SIDT2: variants seen among roughly 807,000 people sequenced by gnomAD.
SIDT2 encodes SID1 transmembrane family member 2.
SIDT2 carries 68 observed loss-of-function variants against 114.4 expected under a neutral mutation model. That is an observed-to-expected ratio of 0.59 (90% confidence interval 0.49 to 0.73). The LOEUF (loss-of-function observed/expected upper bound fraction) is 0.73, where lower values mean the gene tolerates loss of function less well. Among genes scored for constraint, SIDT2 ranks in the 30% least tolerant of loss-of-function variants. The pLI is 0.00. For missense variants in SIDT2, 918 were observed against 1,097.1 expected (o/e 0.84, Z 2.31); for synonymous variants, 470 against 438.4 (o/e 1.07, Z -0.90).
chr11:117,179,213 T>TGTC lies in SIDT2; in HGVS notation c.-49_-47dup, dbSNP rs1174779762. 7 of 1,575,508 alleles carry TGTC rather than the reference T, an allele frequency of 4.4e-6. No homozygotes were observed. The African/African-American group carries it at 8.2e-5, about 18-fold the overall frequency. On this transcript the variant is annotated 5_prime_UTR_variant, in exon 1 of 26. Coordinates refer to ENST00000324225, the MANE Select transcript of SIDT2 (RefSeq NM_001040455.2). ...CCCGTCCCGGAGGTGTCCTGTCTCCTGTCGCCGCCGCCGCCGCCACCACCG... is the reference window on the plus strand; with the variant it reads ...CCCGTCCCGGAGGTGTCCTGTCTCCTGTCGTCGCCGCCGCCGCCGCCACCACCG...
intron 18 of SIDT2, 146 bp from the exon 19 acceptor site, chr11:117,191,732 T>G: frequency 8.8e-7 from 1 of 1,141,866 alleles, no homozygotes; most frequent in East Asian, 2.4e-5. Context: ...GGAACTGAAG[T>G]TCAAGTGCCA....
At position 117,192,390 on chromosome 11, in the gene SIDT2, G is replaced by A; in HGVS notation, c.1981+28G>A. The stretch of plus-strand genomic sequence containing the variant: ...AAGGGCACGCCCGGGGCAGGGCCTG[G>A]GGGAGGGGTCTGGGGGGCCTTGGGA... On this transcript the variant is annotated intron_variant, in intron 20 of 25. Coordinates refer to ENST00000324225, the MANE Select transcript of SIDT2 (RefSeq NM_001040455.2). The surrounding 1 kb of genome is among the most constrained non-coding windows in gnomAD (Gnocchi z 5.9). 9 of 1,491,218 alleles carry A rather than the reference G, an allele frequency of 6.0e-6. No homozygotes were observed. The highest frequency in any genetic ancestry group is 8.4e-6 in the Non-Finnish European group (9 of 1,070,592). 92.4% of individuals were successfully genotyped at this position (1,491,218 alleles called of 1,614,324 possible). A position where few individuals can be genotyped will look rare whatever the true frequency, so the allele number is the denominator to read the frequency against.
In SIDT2 at chr11:117,192,329, A is replaced by G; in HGVS notation, c.1948A>G (p.Thr650Ala). Residue 650 changes from threonine (T) to alanine (A), a missense_variant, in exon 20 of 26, where the codon ACG becomes GCG. Thr to Ala is a moderately conservative substitution (Grantham distance 58, BLOSUM62 0). Transcript: ENST00000324225. This position sits in a 1 kb window ranked among gnomAD's most constrained non-coding sequence, Gnocchi z 5.9. ...CATCATCGCCACCCTGCTCCTCAGCACGCAGCTCTATTACATGGGCCGGTG... is the reference window on the plus strand; with the variant it reads ...CATCATCGCCACCCTGCTCCTCAGCGCGCAGCTCTATTACATGGGCCGGTG... ...IHIIATLLLSTQLYYMGRWKL... is the reference protein window; with the variant it reads ...IHIIATLLLSAQLYYMGRWKL... The G allele has an allele frequency of 6.2e-7, 1 of 1,610,044 alleles. No homozygotes were observed. Among genetic ancestry groups the G allele is most frequent in the Non-Finnish European group, 8.5e-7 (1 of 1,176,536 alleles).
Position 117,196,335 on chromosome 11 carries a change from T to G in SIDT2, c.*269T>G. ...CTGCTTTCTTCTCAGTGTTGGGGCC[T>G]TCCATGGGCCCCTGTCCTTTGGCTC... On this transcript the variant is annotated 3_prime_UTR_variant, in exon 26 of 26. Coordinates refer to ENST00000324225, the MANE Select transcript of SIDT2 (RefSeq NM_001040455.2). The surrounding 1 kb of genome is among the most constrained non-coding windows in gnomAD (Gnocchi z 4.9). 3.9e-6 allele frequency: 2 copies of G among 514,208 alleles called. No individual in the cohort carries two copies. Among genetic ancestry groups the G allele is most frequent in the South Asian group, 2.3e-5 (1 of 43,642 alleles). 31.9% of individuals were successfully genotyped at this position (514,208 alleles called of 1,614,324 possible).
chr11:117,194,291 C>T (rs73008568), intron 24 of SIDT2: 5 of 193,266 alleles, frequency 2.6e-5, no homozygotes, highest in Admixed American at 6.0e-5. Flanking sequence ...CTAGCCTGGA[C>T]GATAGGCCAT....
intron 6 of SIDT2, 74 bp from the exon 7 acceptor site, chr11:117,183,705 G>GC: frequency 9.4e-7 from 1 of 1,060,448 alleles, no homozygotes; most frequent in Admixed American, 1.9e-5. Flanking sequence ...ATAATGTCTG[G>GC]CCCCAGAACA....
Position 117,181,512 on chromosome 11 carries a change from C to T in SIDT2, c.280C>T (p.Gln94Ter). The change falls in exon 2 of 26, where the codon CAG becomes TAG. Residue 94 changes from glutamine (Q) to a stop codon, truncating the protein, a stop_gained. Transcript: ENST00000324225. LOFTEE classifies it high-confidence loss of function. ...VRQKEAVVSF[Q>*]VPLILRGMFQ... is the part of the protein sequence containing the mutation. ...CCAGAAGGAGGCTGTGGTGTCCTTC[C>T]AGGTGCCCCTAATCCTGCGAGGGAT... The T allele has an allele frequency of 1.2e-6, 2 of 1,613,868 alleles. No homozygotes were observed. The highest frequency in any genetic ancestry group is 1.7e-5 in the Admixed American group (1 of 59,988).
Position 117,190,809 on chromosome 11 carries a change from C to A in SIDT2, c.1735+69C>A. 1 of 1,272,396 alleles carries A rather than the reference C, an allele frequency of 7.9e-7. No individual in the cohort carries two copies. The highest frequency in any genetic ancestry group is 1.1e-6 in the Non-Finnish European group (1 of 871,854). 78.8% of individuals were successfully genotyped at this position (1,272,396 alleles called of 1,614,324 possible). A position where few individuals can be genotyped will look rare whatever the true frequency, so the allele number is the denominator to read the frequency against. On this transcript the variant is annotated intron_variant, in intron 18 of 25. Coordinates refer to ENST00000324225, the MANE Select transcript of SIDT2 (RefSeq NM_001040455.2). This position sits in a 1 kb window ranked among gnomAD's most constrained non-coding sequence, Gnocchi z 4.1. ...ACCTGCCTGAGTCCTTCACTATCCCCAAGTCACCCACAGGGATCGCTAAGA... is the reference window on the plus strand; with the variant it reads ...ACCTGCCTGAGTCCTTCACTATCCCAAAGTCACCCACAGGGATCGCTAAGA...
Position 117,179,026 on chromosome 11 carries a change from AGCCAGCATCCCCTC to A in SIDT2, c.-237_-224del. On this transcript the variant is annotated 5_prime_UTR_variant, in exon 1 of 26. Transcript: ENST00000324225. ...CTCGCGAGCTGGGACCCCTTCCCGT[AGCCAGCATCCCCTC>A]CCTCCCCGCCCCCTCCCGGCCGCCC... The A allele has an allele frequency of 1.8e-6, 1 of 545,566 alleles. No homozygotes were observed. The highest frequency in any genetic ancestry group is 3.3e-6 in the Non-Finnish European group (1 of 307,560). The allele number at this position is 545,566 out of a possible 1,614,324, so 33.8% of individuals were successfully genotyped here. A position where few individuals can be genotyped will look rare whatever the true frequency, so the allele number is the denominator to read the frequency against.
In SIDT2 at chr11:117,190,800, C is replaced by T; in HGVS notation, c.1735+60C>T. 1 of 1,360,046 alleles carries T rather than the reference C, an allele frequency of 7.4e-7. No homozygotes were observed. Among genetic ancestry groups the T allele is most frequent in the Non-Finnish European group, 1.1e-6 (1 of 950,350 alleles). The allele number at this position is 1,360,046 out of a possible 1,614,324, so 84.2% of individuals were successfully genotyped here. ...ACAGCAGGGACCTGCCTGAGTCCTT[C>T]ACTATCCCCAAGTCACCCACAGGGA... On this transcript the variant is annotated intron_variant, in intron 18 of 25. Coordinates refer to ENST00000324225, the MANE Select transcript of SIDT2 (RefSeq NM_001040455.2). This position sits in a 1 kb window ranked among gnomAD's most constrained non-coding sequence, Gnocchi z 4.1.
Position 117,194,215 on chromosome 11 carries a change from G to A in SIDT2, c.2322+252G>A, listed in dbSNP as rs76421275. The A allele has an allele frequency of 5.2e-3, 1,916 of 370,034 alleles. 33 individuals are homozygous for A. Among genetic ancestry groups the A allele is most frequent in the African/African-American group, 0.036 (1,714 of 48,132 alleles). 22.9% of individuals were successfully genotyped at this position (370,034 alleles called of 1,614,324 possible). On this transcript the variant is annotated intron_variant, in intron 24 of 25. Coordinates refer to ENST00000324225, the MANE Select transcript of SIDT2 (RefSeq NM_001040455.2). ...CAGTAGTCCTAGCTACCTCGGAAGC[G>A]GAGGCAAGAAGATAGCCTGTGCAGG...
At position 117,179,043 on chromosome 11, in the gene SIDT2, T is replaced by TCCCCGCCCCCTCCCGGCCGC; in HGVS notation, c.-216_-197dup. 1.7e-6 allele frequency: 1 copy of TCCCCGCCCCCTCCCGGCCGC among 571,872 alleles called. No homozygotes were observed. The highest frequency in any genetic ancestry group is 3.1e-6 in the Non-Finnish European group (1 of 324,082). The allele number at this position is 571,872 out of a possible 1,614,324, so 35.4% of individuals were successfully genotyped here. ...CTTCCCGTAGCCAGCATCCCCTCCC[T>TCCCCGCCCCCTCCCGGCCGC]CCCCGCCCCCTCCCGGCCGCCCCCT... On this transcript the variant is annotated 5_prime_UTR_variant, in exon 1 of 26. Transcript: ENST00000324225.
In SIDT2 at chr11:117,192,434, C is replaced by T. The variant is rs530083905; in HGVS notation, c.1981+72C>T. The stretch of plus-strand genomic sequence containing the variant: ...CTTGGGAACCCGGACGCACGGGAGA[C>T]GCTCAGGTTCTGTCTTGGGGGCCCT... On this transcript the variant is annotated intron_variant, in intron 20 of 25. Transcript: ENST00000324225. The surrounding 1 kb of genome is among the most constrained non-coding windows in gnomAD (Gnocchi z 5.9). The T allele has an allele frequency of 3.8e-5, 53 of 1,388,258 alleles. No individual in the cohort carries two copies. The highest frequency in any genetic ancestry group is 1.8e-4 in the Middle Eastern group (1 of 5,660). 86.0% of individuals were successfully genotyped at this position (1,388,258 alleles called of 1,614,324 possible).
chr11:117,182,146 G>C, intron 4 of SIDT2, 41 bp downstream of exon 4: 3 of 1,610,216 alleles, frequency 1.9e-6, no homozygotes. Flanking sequence ...AGAAATGGGG[G>C]AGCTTGAATA....
chr11:117,185,948 G>A (rs2030478507), intron 8 of SIDT2, 182 bp from the exon 9 acceptor site: 4 of 533,278 alleles, frequency 7.5e-6, no homozygotes, highest in South Asian at 7.1e-5. Context: ...ATAGGAGTGT[G>A]TCAGAGTTTG....
chr11:117,183,149 G>C (rs1422679565), intron 6 of SIDT2, among the ~76,000 whole-genome samples: 1 of 152,176 alleles, frequency 6.6e-6, no homozygotes, highest in Non-Finnish European at 1.5e-5. Context: ...TTCAAGACCA[G>C]CCTGGCCAAC....
At chr11:117,191,711 G>C in intron 18 of SIDT2, 167 bp from the exon 19 acceptor site, 1 of 860,104 alleles carries the variant, frequency 1.2e-6, no homozygotes, top group Non-Finnish European at 1.8e-6. Flanking sequence ...TGGTGTGGCA[G>C]GTACAACTAA....
rs770110822 is a variant in SIDT2 at position 117,179,446 on chromosome 11, G to A, written c.183G>A (p.Arg61=). The change falls in exon 1 of 26, where the codon AGG becomes AGA. Residue 61 remains arginine (R), a splice_region_variant and synonymous_variant. Transcript: ENST00000324225. ...YTFNHTVTRN[R]TEGVRVSVNV... ...TCAACCATACTGTGACCCGCAACAGGGTGAGGGCTGGGGGCTTAGGGGCCA... is the reference window on the plus strand; with the variant it reads ...TCAACCATACTGTGACCCGCAACAGAGTGAGGGCTGGGGGCTTAGGGGCCA... The A allele has an allele frequency of 6.2e-7, 1 of 1,612,372 alleles. No individual in the cohort carries two copies. The highest frequency in any genetic ancestry group is 1.1e-5 in the South Asian group (1 of 91,022).
rs367905824 is a variant in SIDT2 at position 117,192,228 on chromosome 11, C to T, written c.1873-26C>T. On this transcript the variant is annotated intron_variant, in intron 19 of 25. Transcript: ENST00000324225. This position sits in a 1 kb window ranked among gnomAD's most constrained non-coding sequence, Gnocchi z 5.9. ...GAGCCACTTCCCTCTCCACCCTCAC[C>T]GCTGCCCTTGGTGGCCTCCCGACAG... The T allele has an allele frequency of 1.4e-4, 215 of 1,513,194 alleles. 4 individuals carry two copies. The South Asian group carries it at 1.5e-3, about 10-fold the overall frequency. 93.7% of individuals were successfully genotyped at this position (1,513,194 alleles called of 1,614,324 possible).
Sources: gnomAD v4.1 joint callset for allele counts (sites outside exome capture counted in the v4.1 genomes callset) on GRCh38, gnomAD v4.1.1 for gene constraint, Gnocchi (gnomAD v3.1) non-coding constraint, MANE v1.5 for transcripts, NCBI Gene and HGNC (gene_info 2026-07-23, HGNC 2026-07-21) for gene names.